ADGRL3: variants seen among roughly 807,000 people sequenced by gnomAD.
ADGRL3 encodes the protein adhesion G protein-coupled receptor L3.
In ADGRL3, 62 loss-of-function variants were observed where a neutral mutation model predicts 153.5. The observed-to-expected ratio is 0.40, with a 90% CI of 0.33 to 0.50. The LOEUF (loss-of-function observed/expected upper bound fraction) is 0.50, where lower values mean the gene tolerates loss of function less well. ADGRL3 is among the 20% of genes least tolerant of loss of function. The pLI is 0.47. For synonymous variants in ADGRL3, 710 were observed against 672.5 expected (o/e 1.06, Z -0.86); for missense variants, 1,641 against 1,859.4 (o/e 0.88, Z 2.16).
chr4:62,065,898 C>T (rs1577744401), intron 25 of ADGRL3, among the ~76,000 whole-genome samples: 1 of 151,826 alleles, frequency 6.6e-6, no homozygotes. Flanking sequence ...AATTTTTATT[C>T]TTGGGATCTA....
intron 2 of ADGRL3, among the ~76,000 whole-genome samples, chr4:61,442,809 T>A (rs2152476912): frequency 6.6e-6 from 1 of 152,250 alleles, no homozygotes; most frequent in East Asian, 1.9e-4. Flanking sequence ...ACCTTAATAA[T>A]TTATACTTTA....
At chr4:61,538,868 T>C (rs1039571177) in intron 4 of ADGRL3, among the ~76,000 whole-genome samples, 10 of 152,124 alleles carry the variant, frequency 6.6e-5, no homozygotes, top group Non-Finnish European at 1.2e-4. Context: ...GAAGATTGCG[T>C]TGGGTTGCAT....
At chr4:61,871,972 T>C (rs1178557855) in intron 9 of ADGRL3, among the ~76,000 whole-genome samples, 1 of 152,222 alleles carries the variant, frequency 6.6e-6, no homozygotes, top group Non-Finnish European at 1.5e-5. Context: ...TCTTTATACT[T>C]ACTACTAACA....
chr4:61,629,361 T>C (rs938523082), intron 5 of ADGRL3, among the ~76,000 whole-genome samples: 1 of 152,038 alleles, frequency 6.6e-6, no homozygotes, highest in African/African-American at 2.4e-5. Context: ...TTCATCTTGT[T>C]TATTCAGGGC....
chr4:61,777,435 G>A (rs1181090036), intron 8 of ADGRL3, among the ~76,000 whole-genome samples: 1 of 151,992 alleles, frequency 6.6e-6, no homozygotes, highest in African/African-American at 2.4e-5. Flanking sequence ...GTGATCCAAA[G>A]GTTTAATGGT....
At chr4:61,242,697 T>C (rs1378435928) in intron 1 of ADGRL3, among the ~76,000 whole-genome samples, 2 of 152,078 alleles carry the variant, frequency 1.3e-5, no homozygotes, top group Non-Finnish European at 2.9e-5. Context: ...ACACATGTAT[T>C]CACTGCCTTA....
At chr4:61,299,713 C>T (rs1025896143) in intron 1 of ADGRL3, among the ~76,000 whole-genome samples, 3 of 152,002 alleles carry the variant, frequency 2.0e-5, no homozygotes, top group Non-Finnish European at 4.4e-5. Context: ...CTTTGGTATA[C>T]GTGAGGGCTA....
At chr4:61,980,739 C>G (rs2099065432) in intron 18 of ADGRL3, among the ~76,000 whole-genome samples, 1 of 152,148 alleles carries the variant, frequency 6.6e-6, no homozygotes, top group Admixed American at 6.6e-5. Flanking sequence ...CCATGCCTGG[C>G]CAAGGCTTCT....
chr4:61,475,219 C>T (rs2098030833), intron 2 of ADGRL3, among the ~76,000 whole-genome samples: 1 of 152,120 alleles, frequency 6.6e-6, no homozygotes, highest in South Asian at 2.1e-4. Flanking sequence ...AGATGTCTTA[C>T]TTATTTGTAA....
At chr4:61,285,161 C>T (rs1024556227) in intron 1 of ADGRL3, among the ~76,000 whole-genome samples, 3 of 151,772 alleles carry the variant, frequency 2.0e-5, no homozygotes, top group Non-Finnish European at 2.9e-5. Flanking sequence ...GTATATCAGA[C>T]ATAAAAAATA....
At chr4:61,777,869 T>G (rs1191567267) in intron 8 of ADGRL3, among the ~76,000 whole-genome samples, 2 of 152,170 alleles carry the variant, frequency 1.3e-5, no homozygotes, top group African/African-American at 4.8e-5. Context: ...TGAAAAAGTA[T>G]GTAACACATT....
intron 8 of ADGRL3, among the ~76,000 whole-genome samples, chr4:61,747,058 C>T (rs2096673009): frequency 6.6e-6 from 1 of 152,140 alleles, no homozygotes; most frequent in Non-Finnish European, 1.5e-5. Flanking sequence ...TACAAACTAC[C>T]ATCAGAGAAT....
chr4:61,505,227 C>T (rs1392964251), intron 3 of ADGRL3, among the ~76,000 whole-genome samples: 2 of 152,042 alleles, frequency 1.3e-5, no homozygotes, highest in Non-Finnish European at 2.9e-5. Context: ...TTCATTTACC[C>T]GTTGATCATT....
chr4:61,226,920 A>T (rs989280720), intron 1 of ADGRL3, among the ~76,000 whole-genome samples: 1 of 152,254 alleles, frequency 6.6e-6, no homozygotes, highest in African/African-American at 2.4e-5. Context: ...TTGAACTCTC[A>T]TGAAGAATAA....
intron 8 of ADGRL3, among the ~76,000 whole-genome samples, chr4:61,750,552 G>T (rs111381578): frequency 6.6e-6 from 1 of 152,130 alleles, no homozygotes; most frequent in Non-Finnish European, 1.5e-5. Context: ...AGCACTTTGG[G>T]AGGCCGAGGC....
At chr4:61,459,408 A>C (rs2097786522) in intron 2 of ADGRL3, among the ~76,000 whole-genome samples, 1 of 152,008 alleles carries the variant, frequency 6.6e-6, no homozygotes, top group Non-Finnish European at 1.5e-5. Context: ...TAAGATATTA[A>C]TAAATGTGCA....
intron 6 of ADGRL3, among the ~76,000 whole-genome samples, chr4:61,678,456 G>C (rs193247394): frequency 6.6e-6 from 1 of 151,860 alleles, no homozygotes. Flanking sequence ...ACTTTAAAAT[G>C]TCTTTGAGGA....
chr4:61,745,507 T>C (rs2151970887), intron 8 of ADGRL3, among the ~76,000 whole-genome samples: 1 of 152,252 alleles, frequency 6.6e-6, no homozygotes, highest in Admixed American at 6.5e-5. Context: ...TAACAGCTGA[T>C]CTCTCGGCAG....
chr4:61,786,951 T>G (rs908885173), intron 8 of ADGRL3, among the ~76,000 whole-genome samples: 2 of 152,098 alleles, frequency 1.3e-5, no homozygotes, highest in Non-Finnish European at 2.9e-5. Context: ...GAGAATAAAC[T>G]TGTCACACTG....
Sources: allele counts gnomAD v4.1 joint callset (sites outside exome capture counted in the v4.1 genomes callset), GRCh38; gene constraint gnomAD v4.1.1; transcripts MANE v1.5; gene names NCBI Gene and HGNC (gene_info 2026-07-23, HGNC 2026-07-21).